The following HIVEP3 variants were observed in gnomAD, a reference collection of about 807,000 sequenced individuals.
The protein encoded by HIVEP3 is HIVEP zinc finger 3.
Under a neutral mutation model 152.8 loss-of-function variants are expected in HIVEP3, and 49 were observed. That is an observed-to-expected ratio of 0.32 (90% CI 0.26 to 0.41). The LOEUF is 0.41. Ranked by LOEUF, HIVEP3 falls within the 10% of genes least tolerant of loss-of-function variation. HIVEP3 has a pLI of 1.00. For synonymous variants in HIVEP3, 1,269 were observed against 1,289.0 expected (o/e 0.98, Z 0.33); for missense variants, 2,790 against 3,103.3 (o/e 0.90, Z 2.40).
intron 2 of HIVEP3, among the ~76,000 whole-genome samples, chr1:41,684,730 C>G (rs1442274983): frequency 6.6e-6 from 1 of 152,182 alleles, no homozygotes; most frequent in African/African-American, 2.4e-5. Flanking sequence ...GAGATAATGG[C>G]CAGCCGCAGA....
intron 1 of HIVEP3, among the ~76,000 whole-genome samples, chr1:41,796,673 A>G (rs1570558837): frequency 1.3e-5 from 2 of 152,294 alleles, no homozygotes; most frequent in East Asian, 3.9e-4. Context: ...AGCATTTTTT[A>G]TTTTATTCTT....
intron 1 of HIVEP3, among the ~76,000 whole-genome samples, chr1:41,880,223 A>C (rs1012718772): frequency 3.9e-5 from 6 of 151,994 alleles, no homozygotes; most frequent in African/African-American, 1.5e-4. Context: ...ATGCCCAAGT[A>C]GAGATGGGGG....
At chr1:41,655,888 G>GT (rs1463780830) in intron 2 of HIVEP3, among the ~76,000 whole-genome samples, 2 of 152,100 alleles carry the variant, frequency 1.3e-5, no homozygotes, top group Non-Finnish European at 2.9e-5. Context: ...TATATGCTTG[G>GT]TTTTACTCTG....
chr1:41,711,220 T>G (rs181966356), intron 1 of HIVEP3, among the ~76,000 whole-genome samples: 12 of 151,910 alleles, frequency 7.9e-5, no homozygotes, highest in Admixed American at 6.6e-4. Context: ...CAGAGAGGGG[T>G]GAGATTTGAC....
chr1:41,598,825 A>ATTTATTTATTTATTTAT lies in HIVEP3; in HGVS notation c.-521-13508_-521-13507insATAAATAAATAAATAAA, dbSNP rs759358685. On this transcript the variant is annotated intron_variant, in intron 3 of 8. Coordinates refer to ENST00000372583, the MANE Select transcript of HIVEP3 (RefSeq NM_024503.5). ...CATGATGTTATTTATTTATTTATTTATTTATTTAGGGACAGGATCTCATTC... is the reference window on the plus strand; with the variant it reads ...CATGATGTTATTTATTTATTTATTTATTTATTTATTTATTTATTTTATTTAGGGACAGGATCTCATTC... 4.4e-3 allele frequency among the ~76,000 whole-genome samples: 669 copies of ATTTATTTATTTATTTAT among 151,454 alleles called. 5 individuals carry two copies. Among genetic ancestry groups the ATTTATTTATTTATTTAT allele is most frequent in the Non-Finnish European group, 7.2e-3 (486 of 67,880 alleles).
intron 1 of HIVEP3, among the ~76,000 whole-genome samples, chr1:41,790,912 C>T (rs562533569): frequency 6.6e-6 from 1 of 152,264 alleles, no homozygotes; most frequent in Non-Finnish European, 1.5e-5. Flanking sequence ...TTTTCTTCCC[C>T]ACATTGGTGT....
chr1:42,016,630 A>G (rs542086399), intron 1 of HIVEP3, among the ~76,000 whole-genome samples: 8 of 152,134 alleles, frequency 5.3e-5, no homozygotes, highest in Non-Finnish European at 1.2e-4. Context: ...AGAATTTTCC[A>G]ATGAAATATA....
intron 1 of HIVEP3, among the ~76,000 whole-genome samples, chr1:41,877,082 A>G (rs1369705300): frequency 2.0e-5 from 3 of 151,800 alleles, no homozygotes; most frequent in Non-Finnish European, 4.4e-5. Flanking sequence ...AAATCCTAAA[A>G]CTCTTCTTTC....
chr1:41,739,225 C>G (rs900452102), intron 1 of HIVEP3, among the ~76,000 whole-genome samples: 5 of 152,242 alleles, frequency 3.3e-5, no homozygotes, highest in African/African-American at 1.2e-4. Context: ...TTCAACATCT[C>G]AAGCTGGAGG....
chr1:42,034,280 A>T (rs901846025), intron 1 of HIVEP3, among the ~76,000 whole-genome samples: 22 of 152,210 alleles, frequency 1.4e-4, no homozygotes, highest in Non-Finnish European at 2.4e-4. Flanking sequence ...ATAAATTTTT[A>T]AAAAAATCTT....
chr1:41,780,436 C>T (rs1289873374), intron 1 of HIVEP3, among the ~76,000 whole-genome samples: 4 of 152,196 alleles, frequency 2.6e-5, no homozygotes, highest in Non-Finnish European at 5.9e-5. Context: ...GAGTGCTGAG[C>T]CAGAGCAGGG....
chr1:41,973,679 T>C (rs974550853), intron 1 of HIVEP3, among the ~76,000 whole-genome samples: 1 of 152,228 alleles, frequency 6.6e-6, no homozygotes, highest in South Asian at 2.1e-4. Flanking sequence ...TTCACTAGGT[T>C]CAGCCCATAT....
chr1:41,643,282 C>T (rs570350633), intron 2 of HIVEP3, among the ~76,000 whole-genome samples: 35 of 152,338 alleles, frequency 2.3e-4, no homozygotes, highest in South Asian at 1.4e-3. Context: ...TCTTCTCTAA[C>T]GCTTCTAACC....
chr1:41,955,629 C>G lies in HIVEP3; in HGVS notation n.120-37105G>C, dbSNP rs573261187. On this transcript the variant is annotated intron_variant and non_coding_transcript_variant, in intron 1 of 3. Transcript: ENST00000489103. ...ACTAAGGCCTCCAGCTACTCAGCTA[C>G]ACTTAACCACAGTAATCCACCCCTA... Among the ~76,000 whole-genome samples, 197 of 152,354 alleles carry G rather than the reference C, an allele frequency of 1.3e-3. 3 individuals are homozygous for G. The highest frequency in any genetic ancestry group is 3.4e-3 in the Middle Eastern group (1 of 294).
At chr1:41,907,636 C>T (rs762616892) in intron 1 of HIVEP3, among the ~76,000 whole-genome samples, 3 of 152,196 alleles carry the variant, frequency 2.0e-5, no homozygotes, top group Non-Finnish European at 4.4e-5. Context: ...TGTGCCCCAC[C>T]ACTAGTAGGC....
intron 2 of HIVEP3, among the ~76,000 whole-genome samples, chr1:41,630,888 T>C (rs1375912059): frequency 6.6e-6 from 1 of 152,178 alleles, no homozygotes; most frequent in Admixed American, 6.5e-5. Context: ...TATTCAGGCA[T>C]GGGTGGCAAT....
At chr1:41,856,360 G>A (rs751554586) in intron 1 of HIVEP3, among the ~76,000 whole-genome samples, 5 of 152,164 alleles carry the variant, frequency 3.3e-5, no homozygotes, top group African/African-American at 7.2e-5. Flanking sequence ...GATGCCAAGC[G>A]GTGGGCTGGG....
At chr1:41,887,301 G>A (rs1014814313) in intron 1 of HIVEP3, among the ~76,000 whole-genome samples, 3 of 152,114 alleles carry the variant, frequency 2.0e-5, no homozygotes, top group Admixed American at 6.5e-5. Flanking sequence ...TTTTAAAAAC[G>A]TATATTGAAT....
At chr1:41,839,050 A>G (rs1046620004) in intron 1 of HIVEP3, among the ~76,000 whole-genome samples, 2 of 152,152 alleles carry the variant, frequency 1.3e-5, no homozygotes, top group African/African-American at 4.8e-5. Context: ...AAATCTTCCA[A>G]TTGACAATAT....
Sources: gnomAD v4.1 joint callset for allele counts (sites outside exome capture counted in the v4.1 genomes callset) on GRCh38, gnomAD v4.1.1 for gene constraint, MANE v1.5 for transcripts, NCBI Gene and HGNC (gene_info 2026-07-23, HGNC 2026-07-21) for gene names.